DMTN: variants seen among roughly 807,000 people sequenced by gnomAD.
The protein encoded by DMTN is dematin actin binding protein, also known as dematin.
In DMTN, 27 loss-of-function variants were observed where a neutral mutation model predicts 59.4. That is an observed-to-expected ratio of 0.45 (90% CI 0.33 to 0.63). The LOEUF is 0.63. Among genes scored for constraint, DMTN ranks in the 20% least tolerant of loss-of-function variants. The probability of loss-of-function intolerance (pLI) is 0.02; values close to 1 mark genes in which losing one functional copy is unlikely to be tolerated. For missense variants in DMTN, 451 were observed against 528.9 expected (o/e 0.85, Z 1.45); for synonymous variants, 221 against 203.7 (o/e 1.08, Z -0.72).
In DMTN at chr8:22,072,350, C is replaced by T. The variant is rs770419665; in HGVS notation, c.629C>T (p.Ala210Val). 14 of 1,602,734 alleles carry T rather than the reference C, an allele frequency of 8.7e-6. No homozygotes were observed. The East Asian group carries it at 9.0e-5, about 10-fold the overall frequency. ...VVETEWRKRK[A>V]SRRGAEEEEE... ...GAGACAGAATGGAGGAAGCGGAAGGCGTCTCGGAGGGGAGCAGAGGAAGAG... is the reference window on the plus strand; with the variant it reads ...GAGACAGAATGGAGGAAGCGGAAGGTGTCTCGGAGGGGAGCAGAGGAAGAG... Residue 210 changes from alanine to valine, a missense_variant, in exon 9 of 16, where the codon GCG becomes GTG. By Grantham distance (64) the Ala-to-Val change is moderately conservative (BLOSUM62 0). Transcript: ENST00000358242.
At chr8:22,070,948 A>G (rs1485251180) in intron 8 of DMTN, among the ~76,000 whole-genome samples, 1 of 152,178 alleles carries the variant, frequency 6.6e-6, no homozygotes, top group African/African-American at 2.4e-5. Flanking sequence ...TGTTTGACTT[A>G]AGACAATGGC....
chr8:22,080,171 G>A lies in DMTN; in HGVS notation c.836-9G>A. ...GGGACTGAACTCAGGACCTTTTGCT[G>A]TCTTCCAGCCTTGCACCAGGGAACG... On this transcript the variant is annotated splice_polypyrimidine_tract_variant and intron_variant, in intron 10 of 15. Coordinates refer to ENST00000358242, the MANE Select transcript of DMTN (RefSeq NM_001387751.1). 6.2e-7 allele frequency: 1 copy of A among 1,614,148 alleles called. No individual in the cohort carries two copies. The highest frequency in any genetic ancestry group is 2.2e-5 in the East Asian group (1 of 44,866).
upstream of DMTN, among the ~76,000 whole-genome samples, chr8:22,053,269 G>A (rs995017110): frequency 2.6e-5 from 4 of 152,208 alleles, no homozygotes; most frequent in South Asian, 2.1e-4. Flanking sequence ...CTTTGCGGGG[G>A]CCAGATGCAG....
rs1164945841 is a variant in DMTN at position 22,067,084 on chromosome 8, G to T, written c.19-1G>T. The T allele has an allele frequency of 6.8e-7, 1 of 1,470,768 alleles. No individual in the cohort carries two copies. The highest frequency in any genetic ancestry group is 9.1e-7 in the Non-Finnish European group (1 of 1,095,934). 91.1% of individuals were successfully genotyped at this position (1,470,768 alleles called of 1,614,324 possible). A position where few individuals can be genotyped will look rare whatever the true frequency, so the allele number is the denominator to read the frequency against. ...CCCGCCCGCCTTCTCGCTCTCCCCA[G>T]CAACCACTTACCTCCCCCGGGAGCG... On this transcript the variant is annotated splice_acceptor_variant, in intron 2 of 15. Transcript: ENST00000358242. LOFTEE classifies it high-confidence loss of function.
In DMTN at chr8:22,081,094, C is replaced by CGGGTG; in HGVS notation, c.1024-19_1024-18insGGGTG. On this transcript the variant is annotated intron_variant, in intron 14 of 15. Coordinates refer to ENST00000358242, the MANE Select transcript of DMTN (RefSeq NM_001387751.1). ...AGGATATTCTGTGAGCCTAAGATTG[C>CGGGTG]CCCTCCCCCCACCCCCAGATCTATC... is the stretch of plus-strand genomic sequence containing the variant. The CGGGTG allele has an allele frequency of 5.0e-6, 3 of 599,802 alleles. No homozygotes were observed. The highest frequency in any genetic ancestry group is 9.3e-6 in the Non-Finnish European group (3 of 323,070). The allele number at this position is 599,802 out of a possible 1,614,324, so 37.2% of individuals were successfully genotyped here.
intron 10 of DMTN, among the ~76,000 whole-genome samples, chr8:22,078,589 T>C (rs1010791980): frequency 2.0e-5 from 3 of 151,642 alleles, no homozygotes; most frequent in African/African-American, 7.3e-5. Context: ...GCTAAGGATC[T>C]TAGGTACAAA....
rs921186592 is a variant in DMTN at position 22,060,414 on chromosome 8, C to T, written c.-172+3278C>T. ...TCTCTCTTTCTCTCTTTCTGTCTCG[C>T]TCTCTCTCTCTCTCTCTCCCCCTCA... is the stretch of plus-strand genomic sequence containing the variant. On this transcript the variant is annotated intron_variant, in intron 1 of 15. Coordinates refer to ENST00000358242, the MANE Select transcript of DMTN (RefSeq NM_001387751.1). This position sits in a 1 kb window ranked among gnomAD's most constrained non-coding sequence, Gnocchi z 5.0. 2.3e-5 allele frequency among the ~76,000 whole-genome samples: 2 copies of T among 87,940 alleles called. No homozygotes were observed. Among genetic ancestry groups the T allele is most frequent in the Non-Finnish European group, 2.5e-5 (1 of 39,808 alleles). 57.7% of individuals were successfully genotyped at this position (87,940 alleles called of 152,430 possible). A position where few individuals can be genotyped will look rare whatever the true frequency, so the allele number is the denominator to read the frequency against.
upstream of DMTN, among the ~76,000 whole-genome samples, chr8:22,052,252 G>T (rs1393674069): frequency 2.0e-5 from 3 of 152,256 alleles, no homozygotes; most frequent in Non-Finnish European, 4.4e-5. Context: ...CCGCTAAATA[G>T]CAAGTGCCCC....
At chr8:22,067,196 G>C (rs1362315784) in intron 3 of DMTN, 37 bp downstream of exon 3, 1 of 1,598,128 alleles carries the variant, frequency 6.3e-7, no homozygotes. Flanking sequence ...ACCCCTGGCT[G>C]GGAGGGGGGA....
chr8:22,049,278 G>T (rs113973451), upstream of DMTN: 34,476 of 149,026 alleles, frequency 0.23, 4,644 homozygotes, highest in African/African-American at 0.39. Flanking sequence ...GGGGGAGGGG[G>T]CGAGAAGGCG....
chr8:22,072,152 T>A (rs1261971241), intron 8 of DMTN, among the ~76,000 whole-genome samples, 174 bp from the exon 9 acceptor site: 1 of 151,828 alleles, frequency 6.6e-6, no homozygotes, highest in Non-Finnish European at 1.5e-5. Flanking sequence ...AGCCTCCCAA[T>A]GTGTTGAGAT....
upstream of DMTN, among the ~76,000 whole-genome samples, chr8:22,052,084 C>T (rs1210353844): frequency 2.0e-5 from 3 of 152,216 alleles, no homozygotes; most frequent in Non-Finnish European, 4.4e-5. Flanking sequence ...ACACCCAGAC[C>T]GCAGGCTCCT....
rs964449487 is a variant in DMTN, at chr8:22,079,759, C to CA, written c.836-411dup. Among the ~76,000 whole-genome samples, 6 of 147,660 alleles carry CA rather than the reference C, an allele frequency of 4.1e-5. No individual in the cohort carries two copies. The East Asian group carries it at 5.9e-4, about 15-fold the overall frequency. ...ACAGGCATGAGCCACCACTCCTGGC[C>CA]AAAAAAAAAATTTTTTTTTTTTAGA... On this transcript the variant is annotated intron_variant, in intron 10 of 15. Coordinates refer to ENST00000358242, the MANE Select transcript of DMTN (RefSeq NM_001387751.1).
chr8:22,055,110 C>T (rs1002324372), upstream of DMTN: 1 of 152,780 alleles, frequency 6.5e-6, no homozygotes, highest in Admixed American at 6.5e-5. Flanking sequence ...CACCCCTCCT[C>T]CCAGGCCCAG....
chr8:22,081,535 G>A lies in DMTN; in HGVS notation c.*72G>A. On this transcript the variant is annotated 3_prime_UTR_variant, in exon 16 of 16. Coordinates refer to ENST00000358242, the MANE Select transcript of DMTN (RefSeq NM_001387751.1). The stretch of plus-strand genomic sequence containing the variant: ...GGGTTTTTCCCCGGCGGGTTGGGAG[G>A]GGCAGGAGGTGGGGTGGAAATAGGG... 1 of 1,407,600 alleles carries A rather than the reference G, an allele frequency of 7.1e-7. No homozygotes were observed. The highest frequency in any genetic ancestry group is 1.0e-6 in the Non-Finnish European group (1 of 995,618). 87.2% of individuals were successfully genotyped at this position (1,407,600 alleles called of 1,614,324 possible).
chr8:22,077,425 C>G (rs1240686424), intron 10 of DMTN, among the ~76,000 whole-genome samples: 1 of 152,082 alleles, frequency 6.6e-6, no homozygotes, highest in Admixed American at 6.6e-5. Context: ...CTGGGGAATT[C>G]AAGGTTAACA....
intron 8 of DMTN, 56 bp from the exon 9 acceptor site, chr8:22,072,270 C>T: frequency 6.5e-7 from 1 of 1,549,426 alleles, no homozygotes; most frequent in Non-Finnish European, 8.7e-7. Context: ...GCCATGTAAA[C>T]ACACACTGAC....
chr8:22,075,298 C>CCCTCCT (rs145121822), intron 10 of DMTN, among the ~76,000 whole-genome samples: 26,437 of 150,444 alleles, frequency 0.18, 2,681 homozygotes, highest in African/African-American at 0.27. Flanking sequence ...GGGAGCTAGA[C>CCCTCCT]CCTCCTCCTC....
rs557655509 is a variant in DMTN at position 22,060,364 on chromosome 8, T to G, written c.-172+3228T>G. On this transcript the variant is annotated intron_variant, in intron 1 of 15. Coordinates refer to ENST00000358242, the MANE Select transcript of DMTN (RefSeq NM_001387751.1). The surrounding 1 kb of genome is among the most constrained non-coding windows in gnomAD (Gnocchi z 5.0). Reference sequence around the variant, plus strand: ...TGTGGGTGGAGTAGGCAGGGTGTGATTTGAGAGAAGCCAAGGAAACTCTCT... The same window carrying G: ...TGTGGGTGGAGTAGGCAGGGTGTGAGTTGAGAGAAGCCAAGGAAACTCTCT... Among the ~76,000 whole-genome samples the G allele has an allele frequency of 6.6e-6, 1 of 152,108 alleles. No homozygotes were observed. The highest frequency in any genetic ancestry group is 1.9e-4 in the East Asian group (1 of 5,170).
Sources: gnomAD v4.1 joint callset for allele counts (sites outside exome capture counted in the v4.1 genomes callset) on GRCh38, gnomAD v4.1.1 for gene constraint, Gnocchi (gnomAD v3.1) non-coding constraint, MANE v1.5 for transcripts, NCBI Gene and HGNC (gene_info 2026-07-23, HGNC 2026-07-21) for gene names.